Variants in DOK6 observed in about 807,000 individuals in gnomAD.
DOK6 encodes the protein downstream of tyrosine kinase 6.
Under a neutral mutation model 44.0 loss-of-function variants are expected in DOK6, and 22 were observed. That is an observed-to-expected ratio of 0.50 (90% CI 0.36 to 0.71). DOK6 has a LOEUF of 0.71. Ranked by LOEUF, DOK6 falls within the 30% of genes least tolerant of loss-of-function variation. DOK6 has a pLI of 0.00. For missense variants in DOK6, 340 were observed against 416.4 expected (o/e 0.82, Z 1.60); for synonymous variants, 166 against 145.5 (o/e 1.14, Z -1.01).
chr18:69,556,905 T>TACACACTTTCAAA (rs1443250902), intron 1 of DOK6, among the ~76,000 whole-genome samples: 1 of 152,214 alleles, frequency 6.6e-6, no homozygotes, highest in Non-Finnish European at 1.5e-5. Flanking sequence ...CTTTCAATAG[T>TACACACTTTCAAA]ACTACACACG....
intron 1 of DOK6, among the ~76,000 whole-genome samples, chr18:69,495,471 T>A (rs1034370887): frequency 3.9e-5 from 6 of 152,064 alleles, no homozygotes; most frequent in Admixed American, 3.9e-4. Flanking sequence ...CTGGAGTGGG[T>A]AGCTCCTCTC....
chr18:69,803,861 A>G (rs1980976187), intron 7 of DOK6, among the ~76,000 whole-genome samples: 1 of 152,138 alleles, frequency 6.6e-6, no homozygotes, highest in Non-Finnish European at 1.5e-5. Context: ...CCGTCTCAAA[A>G]AAATATATAT....
chr18:69,685,928 T>C (rs1391704814), intron 4 of DOK6, among the ~76,000 whole-genome samples: 1 of 152,172 alleles, frequency 6.6e-6, no homozygotes, highest in Non-Finnish European at 1.5e-5. Flanking sequence ...TTTTCTGTAT[T>C]TTGTGGGCTG....
At chr18:69,521,446 TAA>T (rs74175371) in intron 1 of DOK6, among the ~76,000 whole-genome samples, 2 of 146,770 alleles carry the variant, frequency 1.4e-5, no homozygotes, top group African/African-American at 5.0e-5. Context: ...TACAGTCATT[TAA>T]AAAAAAAAAA....
rs2122450637 is a variant in DOK6 at position 69,446,492 on chromosome 18, T to C, written c.66+45182T>C. On this transcript the variant is annotated intron_variant, in intron 1 of 7. Transcript: ENST00000382713. Reference sequence around the variant, plus strand: ...TTGGGTTGGTTCCAAGTCTTTGCTATTGTGAGTAGTGCCACAATAAACATA... The same window carrying C: ...TTGGGTTGGTTCCAAGTCTTTGCTACTGTGAGTAGTGCCACAATAAACATA... Among the ~76,000 whole-genome samples the C allele has an allele frequency of 2.6e-5, 4 of 152,216 alleles. No homozygotes were observed. The South Asian group carries it at 6.2e-4, about 24-fold the overall frequency.
At chr18:69,499,245 A>G (rs1393950708) in intron 1 of DOK6, among the ~76,000 whole-genome samples, 1 of 151,388 alleles carries the variant, frequency 6.6e-6, no homozygotes, top group Non-Finnish European at 1.5e-5. Flanking sequence ...ATATGAGATA[A>G]TGAATATTGG....
At chr18:69,805,810 C>T (rs982839862) in intron 7 of DOK6, among the ~76,000 whole-genome samples, 18 of 152,056 alleles carry the variant, frequency 1.2e-4, no homozygotes, top group Admixed American at 6.6e-4. Flanking sequence ...TTAACTGAAA[C>T]TTCTTGTGGT....
At chr18:69,404,262 C>T (rs1346629634) in intron 1 of DOK6, among the ~76,000 whole-genome samples, 1 of 152,176 alleles carries the variant, frequency 6.6e-6, no homozygotes, top group Admixed American at 6.5e-5. Context: ...TTCAGAGGGG[C>T]TTCCAGGTTT....
chr18:69,422,257 C>G (rs1318177250), intron 1 of DOK6, among the ~76,000 whole-genome samples: 1 of 152,296 alleles, frequency 6.6e-6, no homozygotes, highest in East Asian at 1.9e-4. Context: ...ATCCTCTTTC[C>G]CAAAGAATTC....
intron 7 of DOK6, among the ~76,000 whole-genome samples, chr18:69,760,247 T>C (rs1291791455): frequency 6.6e-6 from 1 of 152,174 alleles, no homozygotes; most frequent in African/African-American, 2.4e-5. Flanking sequence ...AGAATAAAAC[T>C]ATTGAAAATA....
intron 3 of DOK6, among the ~76,000 whole-genome samples, chr18:69,638,074 T>C (rs1984851014): frequency 6.6e-6 from 1 of 152,220 alleles, no homozygotes; most frequent in African/African-American, 2.4e-5. Flanking sequence ...TTGCCTTTGA[T>C]GTTTCTTTAG....
At chr18:69,405,352 G>C (rs145755171) in intron 1 of DOK6, among the ~76,000 whole-genome samples, 18 of 152,122 alleles carry the variant, frequency 1.2e-4, no homozygotes, top group African/African-American at 4.1e-4. Flanking sequence ...GGACACGGTG[G>C]CTCACGCCTG....
intron 3 of DOK6, among the ~76,000 whole-genome samples, chr18:69,637,419 G>A (rs1984834777): frequency 6.6e-6 from 1 of 152,140 alleles, no homozygotes; most frequent in Non-Finnish European, 1.5e-5. Flanking sequence ...ATTTAATTCA[G>A]TGATTACCAA....
At chr18:69,832,171 A>G (rs1307293869) in intron 7 of DOK6, among the ~76,000 whole-genome samples, 1 of 152,110 alleles carries the variant, frequency 6.6e-6, no homozygotes, top group East Asian at 1.9e-4. Context: ...GTGGGTTTGT[A>G]AAAAATAGCC....
chr18:69,835,484 C>CA (rs5825973), intron 7 of DOK6, among the ~76,000 whole-genome samples: 25 of 148,402 alleles, frequency 1.7e-4, no homozygotes, highest in African/African-American at 4.7e-4. Flanking sequence ...ACAACAACAA[C>CA]AAAAAAAAAA....
At chr18:69,816,163 A>G (rs2050344686) in intron 7 of DOK6, among the ~76,000 whole-genome samples, 1 of 152,186 alleles carries the variant, frequency 6.6e-6, no homozygotes, top group Non-Finnish European at 1.5e-5. Context: ...CTCCATTAGG[A>G]GGCCCTCTCC....
chr18:69,480,120 A>C (rs1410272430), intron 1 of DOK6, among the ~76,000 whole-genome samples: 1 of 152,166 alleles, frequency 6.6e-6, no homozygotes, highest in Non-Finnish European at 1.5e-5. Context: ...GGTAAAATAA[A>C]TACAAGTTAG....
At chr18:69,745,354 A>G (rs1258826190) in intron 6 of DOK6, among the ~76,000 whole-genome samples, 1 of 152,228 alleles carries the variant, frequency 6.6e-6, no homozygotes, top group Non-Finnish European at 1.5e-5. Context: ...CTTAAATGAA[A>G]ATAACAGATT....
intron 1 of DOK6, among the ~76,000 whole-genome samples, chr18:69,463,293 C>T (rs1455540901): frequency 6.6e-6 from 1 of 151,584 alleles, no homozygotes; most frequent in African/African-American, 2.4e-5. Flanking sequence ...CCAGCATCAC[C>T]GTGGCGATTA....
Sources: gnomAD v4.1 joint callset for allele counts (sites outside exome capture counted in the v4.1 genomes callset) on GRCh38, gnomAD v4.1.1 for gene constraint, MANE v1.5 for transcripts, NCBI Gene and HGNC (gene_info 2026-07-23, HGNC 2026-07-21) for gene names.